The following SGCZ variants were observed in gnomAD, a reference collection of about 807,000 sequenced individuals.
SGCZ encodes the protein zeta-sarcoglycan.
A neutral mutation model predicts 41.3 loss-of-function variants in SGCZ; 40 were observed. That is an observed-to-expected ratio of 0.97 (90% CI 0.75 to 1.26). The LOEUF is 1.26. Ranked by LOEUF, SGCZ falls within the 50% of genes most tolerant of loss-of-function variation. SGCZ has a pLI of 0.00. For missense variants in SGCZ, 552 were observed against 369.8 expected (o/e 1.49, Z -4.04); for synonymous variants, 206 against 137.5 (o/e 1.50, Z -3.49).
At chr8:14,901,040 T>A (rs1260471157) in intron 1 of SGCZ, among the ~76,000 whole-genome samples, 2 of 152,200 alleles carry the variant, frequency 1.3e-5, no homozygotes, top group African/African-American at 4.8e-5. Flanking sequence ...TAATAACATA[T>A]CATTTCTGTT....
At chr8:14,394,877 G>A (rs567317256) in intron 2 of SGCZ, among the ~76,000 whole-genome samples, 1 of 152,134 alleles carries the variant, frequency 6.6e-6, no homozygotes, top group Admixed American at 6.6e-5. Context: ...TTATGTCAGT[G>A]CATGGGTGAT....
intron 2 of SGCZ, among the ~76,000 whole-genome samples, chr8:14,536,061 A>T (rs574389872): frequency 6.6e-6 from 1 of 151,994 alleles, no homozygotes; most frequent in African/African-American, 2.4e-5. Flanking sequence ...GGGGAAATAC[A>T]CTCATATTAA....
chr8:14,759,776 A>G (rs543122555), intron 1 of SGCZ, among the ~76,000 whole-genome samples: 1 of 152,200 alleles, frequency 6.6e-6, no homozygotes, highest in Admixed American at 6.5e-5. Flanking sequence ...AGGACACCAC[A>G]ATATTTAAAC....
intron 3 of SGCZ, among the ~76,000 whole-genome samples, chr8:14,275,343 C>T (rs1273905172): frequency 6.6e-6 from 1 of 152,132 alleles, no homozygotes; most frequent in African/African-American, 2.4e-5. Context: ...AATGAGTTTT[C>T]AGCATATTTT....
At chr8:14,357,597 A>G (rs1803343333) in intron 2 of SGCZ, among the ~76,000 whole-genome samples, 1 of 152,202 alleles carries the variant, frequency 6.6e-6, no homozygotes, top group Non-Finnish European at 1.5e-5. Context: ...TCCACGTAAT[A>G]ATAACAACTA....
At chr8:14,387,791 G>T (rs1804628480) in intron 2 of SGCZ, among the ~76,000 whole-genome samples, 1 of 151,886 alleles carries the variant, frequency 6.6e-6, no homozygotes, top group Non-Finnish European at 1.5e-5. Flanking sequence ...GTTCTATTTA[G>T]GTTACAATGA....
rs118093698 is a variant in SGCZ, at chr8:14,460,042, A to C, written c.234+94690T>G. 4.4e-3 allele frequency among the ~76,000 whole-genome samples: 671 copies of C among 152,274 alleles called. 5 individuals are homozygous for C. The highest frequency in any genetic ancestry group is 8.1e-3 in the Non-Finnish European group (552 of 68,020). On this transcript the variant is annotated intron_variant, in intron 2 of 7. Coordinates refer to ENST00000382080, the MANE Select transcript of SGCZ (RefSeq NM_139167.4). The stretch of plus-strand genomic sequence containing the variant: ...CCTTAGTGGGTTAAGTGAAATTCAA[A>C]TAAGGCATGTCACTTGGTCAACAGC...
At chr8:14,334,851 C>T (rs1802457216) in intron 2 of SGCZ, among the ~76,000 whole-genome samples, 1 of 152,036 alleles carries the variant, frequency 6.6e-6, no homozygotes. Flanking sequence ...TTCATATATA[C>T]TTTTTTGTAA....
intron 4 of SGCZ, among the ~76,000 whole-genome samples, chr8:14,211,226 T>G (rs1805795582): frequency 6.6e-6 from 1 of 152,156 alleles, no homozygotes; most frequent in African/African-American, 2.4e-5. Context: ...GCAGGACTCC[T>G]GTGTCTGCTT....
At chr8:15,154,013 A>G (rs575013574) in intron 1 of SGCZ, among the ~76,000 whole-genome samples, 82 of 152,168 alleles carry the variant, frequency 5.4e-4, no homozygotes, top group Middle Eastern at 3.4e-3. Flanking sequence ...ACGGTTCACG[A>G]TAGAGTTTGT....
intron 1 of SGCZ, among the ~76,000 whole-genome samples, chr8:15,051,919 G>C (rs1044777016): frequency 6.6e-6 from 1 of 152,130 alleles, no homozygotes; most frequent in African/African-American, 2.4e-5. Context: ...ATTTGGGCGC[G>C]CCAAAAGACT....
intron 7 of SGCZ, among the ~76,000 whole-genome samples, chr8:14,100,475 A>G (rs1298158643): frequency 2.7e-5 from 4 of 149,690 alleles, no homozygotes; most frequent in African/African-American, 9.7e-5. Flanking sequence ...AAAGTATTGT[A>G]GTCTACAACT....
At chr8:14,702,925 G>GTAGGTAGATAGA (rs1212521242) in intron 1 of SGCZ, among the ~76,000 whole-genome samples, 61 of 125,980 alleles carry the variant, frequency 4.8e-4, no homozygotes, top group African/African-American at 1.5e-3. Context: ...AGTTAGGTAG[G>GTAGGTAGATAGA]TAGATAGATA....
intron 4 of SGCZ, among the ~76,000 whole-genome samples, chr8:14,193,754 A>C (rs7819363): frequency 1.3e-5 from 2 of 151,918 alleles, no homozygotes; most frequent in African/African-American, 2.4e-5. Flanking sequence ...ACTTGTCTGA[A>C]TGTCTAGCTT....
At chr8:14,974,072 G>T (rs772645861) in intron 1 of SGCZ, among the ~76,000 whole-genome samples, 3 of 152,022 alleles carry the variant, frequency 2.0e-5, no homozygotes. Context: ...AATCATTATC[G>T]AATGCTTGAG....
chr8:14,358,497 T>C (rs1213063566), intron 2 of SGCZ, among the ~76,000 whole-genome samples: 2 of 152,172 alleles, frequency 1.3e-5, no homozygotes, highest in East Asian at 1.9e-4. Context: ...TAAAATATGT[T>C]ATATGTCAAG....
At chr8:14,930,117 A>T (rs1799884175) in intron 1 of SGCZ, among the ~76,000 whole-genome samples, 1 of 152,042 alleles carries the variant, frequency 6.6e-6, no homozygotes. Context: ...TGTGAATTAA[A>T]TGTAAGTTAT....
intron 1 of SGCZ, among the ~76,000 whole-genome samples, chr8:14,652,346 A>AGGGGGGG (rs200127643): frequency 3.9e-5 from 2 of 50,734 alleles, no homozygotes; most frequent in African/African-American, 1.6e-4. Flanking sequence ...AAAAAAAAAA[A>AGGGGGGG]GGGGGGGGTG....
At chr8:14,704,677 C>T (rs949085138) in intron 1 of SGCZ, among the ~76,000 whole-genome samples, 1 of 152,006 alleles carries the variant, frequency 6.6e-6, no homozygotes, top group Admixed American at 6.6e-5. Context: ...TGTGGTGTAA[C>T]CCAGCTGCAT....
Sources: gnomAD v4.1 joint callset for allele counts (sites outside exome capture counted in the v4.1 genomes callset) on GRCh38, gnomAD v4.1.1 for gene constraint, MANE v1.5 for transcripts, NCBI Gene and HGNC (gene_info 2026-07-23, HGNC 2026-07-21) for gene names.